FAM163A: variants seen among roughly 807,000 people sequenced by gnomAD.
FAM163A encodes protein FAM163A.
Under a neutral mutation model 12.0 loss-of-function variants are expected in FAM163A, and 7 were observed. That is an observed-to-expected ratio of 0.58 (90% confidence interval 0.33 to 1.10). FAM163A has a LOEUF of 1.10. Ranked by LOEUF, FAM163A falls within the 50% of genes least tolerant of loss-of-function variation. The pLI, the probability that FAM163A is intolerant of heterozygous loss-of-function variation, is 0.03. For synonymous variants in FAM163A, 101 were observed against 91.0 expected (o/e 1.11, Z -0.62); for missense variants, 202 against 218.6 (o/e 0.92, Z 0.48).
intron 1 of FAM163A, among the ~76,000 whole-genome samples, chr1:179,806,078 A>G (rs1175077784): frequency 1.3e-5 from 2 of 152,150 alleles, no homozygotes; most frequent in African/African-American, 2.4e-5. Context: ...ACCTCTCACC[A>G]TGGAAATCTC....
chr1:179,750,336 T>C (rs557252159), intron 1 of FAM163A, among the ~76,000 whole-genome samples: 33 of 152,298 alleles, frequency 2.2e-4, no homozygotes, highest in Admixed American at 4.6e-4. Context: ...AGTAACACTG[T>C]GATAAAAGCT....
Position 179,813,106 on chromosome 1 carries a change from G to A in FAM163A, c.9G>A (p.Ala3=), listed in dbSNP as rs1340992291. 3 of 1,551,666 alleles carry A rather than the reference G, an allele frequency of 1.9e-6. No homozygotes were observed. Among genetic ancestry groups the A allele is most frequent in the African/African-American group, 2.7e-5 (2 of 73,058 alleles). Residue 3 remains alanine, a synonymous_variant, in exon 4 of 5, where the codon GCG becomes GCA. Transcript: ENST00000341785. MT[A]GTVVITGGIL... is the part of the protein sequence containing the mutation. ...GATGGGGCGCCGGGCGGATGACAGC[G>A]GGAACGGTTGTGATCACTGGCGGAA...
the FAM163A span, among the ~76,000 whole-genome samples, chr1:179,733,487 A>C: frequency 7.9e-5 from 12 of 152,198 alleles, no homozygotes; most frequent in African/African-American, 2.9e-4. Flanking sequence ...AAAAACATGT[A>C]AAGCTAAATA....
chr1:179,755,136 C>CTAA (rs1553213967), intron 1 of FAM163A, among the ~76,000 whole-genome samples: 4 of 109,384 alleles, frequency 3.7e-5, no homozygotes, highest in Admixed American at 1.8e-4. Context: ...GACTCTGCCT[C>CTAA]AAAAAAAAAA....
At chr1:179,800,722 G>T (rs1693045301) in intron 1 of FAM163A, among the ~76,000 whole-genome samples, 1 of 152,186 alleles carries the variant, frequency 6.6e-6, no homozygotes, top group Admixed American at 6.5e-5. Flanking sequence ...GTAAGTAGTA[G>T]ATGAAGGATA....
intron 1 of FAM163A, among the ~76,000 whole-genome samples, chr1:179,761,240 G>T (rs897475015): frequency 6.6e-6 from 1 of 152,174 alleles, no homozygotes; most frequent in African/African-American, 2.4e-5. Context: ...CAGAGTTATA[G>T]CAAATTTTAG....
chr1:179,747,070 A>G (rs1684574728), intron 1 of FAM163A, among the ~76,000 whole-genome samples: 1 of 152,144 alleles, frequency 6.6e-6, no homozygotes. Context: ...AGCAAGAGGA[A>G]CACTGTGACT....
chr1:179,793,808 C>A (rs1333868578), intron 1 of FAM163A, among the ~76,000 whole-genome samples: 1 of 152,258 alleles, frequency 6.6e-6, no homozygotes, highest in Non-Finnish European at 1.5e-5. Flanking sequence ...CTCAGTGATG[C>A]AGTGGGCATT....
chr1:179,772,474 A>G (rs1688410744), intron 1 of FAM163A, among the ~76,000 whole-genome samples: 2 of 152,142 alleles, frequency 1.3e-5, no homozygotes, highest in Admixed American at 1.3e-4. Context: ...TCACTGGGAG[A>G]CTTGTCAGAA....
chr1:179,770,079 G>A (rs967729132), intron 1 of FAM163A, among the ~76,000 whole-genome samples: 8 of 151,310 alleles, frequency 5.3e-5, no homozygotes, highest in African/African-American at 1.7e-4. Context: ...CTACTTTTTT[G>A]TATTTTTAGT....
the FAM163A span, among the ~76,000 whole-genome samples, chr1:179,733,692 C>A: frequency 6.6e-6 from 1 of 152,114 alleles, no homozygotes; most frequent in African/African-American, 2.4e-5. Flanking sequence ...ACACGTGCTA[C>A]CTCTCTTCTG....
At chr1:179,730,110 C>G in the FAM163A span, 1 of 152,210 alleles carries the variant, frequency 6.6e-6, no homozygotes, top group African/African-American at 2.4e-5. Flanking sequence ...GAGCCCCATC[C>G]TAATTCACTA....
intron 1 of FAM163A, among the ~76,000 whole-genome samples, chr1:179,772,145 C>T (rs541819844): frequency 5.3e-5 from 8 of 152,170 alleles, no homozygotes; most frequent in Non-Finnish European, 1.0e-4. Context: ...ATAGCAACTC[C>T]TCCGGACTTT....
At chr1:179,746,960 G>C (rs1410819671) in intron 1 of FAM163A, among the ~76,000 whole-genome samples, 5 of 152,124 alleles carry the variant, frequency 3.3e-5, no homozygotes, top group Non-Finnish European at 7.3e-5. Context: ...ATCCAGCCTT[G>C]AAAACAATCT....
intron 1 of FAM163A, among the ~76,000 whole-genome samples, chr1:179,763,388 G>A (rs1344059567): frequency 2.6e-5 from 4 of 152,174 alleles, no homozygotes; most frequent in Admixed American, 6.5e-5. Context: ...GGCATGGCAC[G>A]TTCTGGTCTC....
At chr1:179,776,771 A>G (rs1256595312) in intron 1 of FAM163A, among the ~76,000 whole-genome samples, 3 of 152,232 alleles carry the variant, frequency 2.0e-5, no homozygotes, top group Non-Finnish European at 2.9e-5. Flanking sequence ...ATATATCATA[A>G]AAGCACCATT....
chr1:179,748,284 C>T (rs892417595), intron 1 of FAM163A, among the ~76,000 whole-genome samples: 10 of 152,216 alleles, frequency 6.6e-5, no homozygotes, highest in Non-Finnish European at 1.3e-4. Context: ...CACAAGGCAG[C>T]TGCTTTTTCT....
chr1:179,771,490 C>T (rs1420454357), intron 1 of FAM163A, among the ~76,000 whole-genome samples: 1 of 152,016 alleles, frequency 6.6e-6, no homozygotes, highest in Non-Finnish European at 1.5e-5. Context: ...GTGCGTCTAC[C>T]TCACCCTCTC....
chr1:179,798,344 C>T (rs780169215), intron 1 of FAM163A, among the ~76,000 whole-genome samples: 1 of 152,212 alleles, frequency 6.6e-6, no homozygotes, highest in Non-Finnish European at 1.5e-5. Flanking sequence ...CAGTGGGATC[C>T]TTCCTTTGCA....
Sources: allele counts gnomAD v4.1 joint callset (sites outside exome capture counted in the v4.1 genomes callset), GRCh38; gene constraint gnomAD v4.1.1; transcripts MANE v1.5; gene names NCBI Gene and HGNC (gene_info 2026-07-23, HGNC 2026-07-21).